Variants in PRKCI observed in about 807,000 individuals in gnomAD.
PRKCI encodes the protein protein kinase C iota.
A neutral mutation model predicts 84.0 loss-of-function variants in PRKCI; 43 were observed. That is an observed-to-expected ratio of 0.51 (90% CI 0.40 to 0.66). The LOEUF is 0.66. Among genes scored for constraint, PRKCI ranks in the 30% least tolerant of loss-of-function variants. The pLI, the probability that PRKCI is intolerant of heterozygous loss-of-function variation, is 0.00. For missense variants in PRKCI, 459 were observed against 745.6 expected, an observed-to-expected ratio of 0.62 and a Z score of 4.48; for synonymous variants, 216 against 234.4, an observed-to-expected ratio of 0.92 and a Z score of 0.72.
At chr3:170,279,132 A>G (rs1202833887) in intron 8 of PRKCI, among the ~76,000 whole-genome samples, 1 of 152,118 alleles carries the variant, frequency 6.6e-6, no homozygotes, top group African/African-American at 2.4e-5. Flanking sequence ...GGCTCAGGTG[A>G]TCCTCCCACC....
chr3:170,247,501 C>T (rs750926504), intron 2 of PRKCI, among the ~76,000 whole-genome samples: 7 of 151,556 alleles, frequency 4.6e-5, no homozygotes, highest in African/African-American at 9.7e-5. Flanking sequence ...GAGGCAGAGG[C>T]GGGCGGATCA....
intron 12 of PRKCI, among the ~76,000 whole-genome samples, chr3:170,285,661 G>T (rs947669390): frequency 1.3e-5 from 2 of 151,982 alleles, no homozygotes; most frequent in Non-Finnish European, 2.9e-5. Context: ...ATGCATTAAA[G>T]AATAAAATCT....
At chr3:170,246,161 T>C (rs536890410) in intron 2 of PRKCI, among the ~76,000 whole-genome samples, 1 of 151,904 alleles carries the variant, frequency 6.6e-6, no homozygotes, top group South Asian at 2.1e-4. Context: ...GTCTCGCTCT[T>C]GTCACCCAGG....
rs147056447 is a variant in PRKCI at position 170,252,502 on chromosome 3, C to A, written c.224-7467C>A. On this transcript the variant is annotated intron_variant, in intron 2 of 17. Transcript: ENST00000295797. ...TTGTGTTACAAATATTCCAATTATA[C>A]TCTTTTAGTTATTTTTAAATATACA... Among the ~76,000 whole-genome samples the A allele has an allele frequency of 1.9e-3, 283 of 152,138 alleles. 1 individual carries two copies. Among genetic ancestry groups the A allele is most frequent in the African/African-American group, 6.7e-3 (278 of 41,528 alleles).
chr3:170,246,297 C>T lies in PRKCI; in HGVS notation c.223+10946C>T, dbSNP rs565051890. Among the ~76,000 whole-genome samples, 445 of 152,052 alleles carry T rather than the reference C, an allele frequency of 2.9e-3. 2 individuals are homozygous for T. The highest frequency in any genetic ancestry group is 0.028 in the Middle Eastern group (8 of 290). On this transcript the variant is annotated intron_variant, in intron 2 of 17. Coordinates refer to ENST00000295797, the MANE Select transcript of PRKCI (RefSeq NM_002740.6). ...CCTCCTGAGTAGCTGGGATTACAGG[C>T]GCCTGCCACCATGCCCAGCTAATTT... is the stretch of plus-strand genomic sequence containing the variant.
At chr3:170,225,285 A>G (rs901149549) in intron 1 of PRKCI, among the ~76,000 whole-genome samples, 1 of 152,178 alleles carries the variant, frequency 6.6e-6, no homozygotes, top group Non-Finnish European at 1.5e-5. Flanking sequence ...CTGTCCTCTG[A>G]AATTAGATGT....
At chr3:170,301,873 C>G (rs1462020057) in intron 17 of PRKCI, among the ~76,000 whole-genome samples, 1 of 152,178 alleles carries the variant, frequency 6.6e-6, no homozygotes, top group Non-Finnish European at 1.5e-5. Context: ...CAGGTAACAT[C>G]TATCCTCTTG....
At chr3:170,267,879 T>A in intron 4 of PRKCI, 36 bp from the exon 5 acceptor site, 1 of 1,449,822 alleles carries the variant, frequency 6.9e-7, no homozygotes, top group Non-Finnish European at 9.4e-7. Context: ...TCAAACTTGC[T>A]CTTTTTTCTT....
chr3:170,287,908 CAAAAAAAAAAAAA>C (rs750366555), intron 12 of PRKCI, among the ~76,000 whole-genome samples: 3 of 50,550 alleles, frequency 5.9e-5, no homozygotes, highest in Non-Finnish European at 8.5e-5. Context: ...GACTCTGTCT[CAAAAAAAAAAAAA>C]AAAAAAAAAG....
At position 170,222,710 on chromosome 3, in the gene PRKCI, T is replaced by G; in HGVS notation, c.41T>G (p.Val14Gly). The change falls in exon 1 of 18, where the codon GTC becomes GGC. Residue 14 changes from valine to glycine, a missense_variant. Physicochemically the swap from Val to Gly is moderately radical, Grantham distance 109. Around this residue, in one of 2 missense-constraint regions of PRKCI, gnomAD observed 250 missense variants for 319.7 expected, o/e 0.78. Coordinates refer to ENST00000295797, the MANE Select transcript of PRKCI (RefSeq NM_002740.6). ...GACAGCAGCACCATGTCCCACACGG[T>G]CGCAGGCGGCGGCAGCGGGGACCAT... The part of the protein sequence containing the change: ...QRDSSTMSHT[V>G]AGGGSGDHSH... 2.5e-6 allele frequency: 4 copies of G among 1,609,360 alleles called. No homozygotes were observed. The highest frequency in any genetic ancestry group is 3.4e-6 in the Non-Finnish European group (4 of 1,178,664).
intron 2 of PRKCI, among the ~76,000 whole-genome samples, chr3:170,248,452 A>G (rs1194637491): frequency 6.6e-6 from 1 of 152,182 alleles, no homozygotes; most frequent in African/African-American, 2.4e-5. Flanking sequence ...CTCACTCTGG[A>G]TGTATTCCTG....
intron 2 of PRKCI, among the ~76,000 whole-genome samples, chr3:170,257,379 G>A (rs1577353725): frequency 6.6e-6 from 1 of 152,142 alleles, no homozygotes; most frequent in African/African-American, 2.4e-5. Flanking sequence ...CAGTTTTGGT[G>A]GAGTGTTTGG....
At chr3:170,285,711 C>T (rs1008850599) in intron 12 of PRKCI, among the ~76,000 whole-genome samples, 1 of 151,544 alleles carries the variant, frequency 6.6e-6, no homozygotes, top group Non-Finnish European at 1.5e-5. Flanking sequence ...AGAATTCAAC[C>T]GTACTTTTCA....
rs537187164 is a variant in PRKCI at position 170,277,181 on chromosome 3, G to A, written c.705+1894G>A. On this transcript the variant is annotated intron_variant, in intron 8 of 17. Coordinates refer to ENST00000295797, the MANE Select transcript of PRKCI (RefSeq NM_002740.6). ...CGAAAATCATTGGAACTGGGGAGGC[G>A]GAGATTACAATGAGCCAAGATCATG... is the stretch of plus-strand genomic sequence containing the variant. Among the ~76,000 whole-genome samples the A allele has an allele frequency of 1.8e-4, 27 of 151,754 alleles. No individual in the cohort carries two copies. In the South Asian group the frequency reaches 5.2e-3, roughly 29 times the overall value.
At chr3:170,245,738 A>G (rs932798348) in intron 2 of PRKCI, among the ~76,000 whole-genome samples, 2 of 152,106 alleles carry the variant, frequency 1.3e-5, no homozygotes, top group African/African-American at 4.8e-5. Flanking sequence ...ATGACAAAAT[A>G]TAGTGGGTTT....
chr3:170,264,164 A>ATT, intron 4 of PRKCI, among the ~76,000 whole-genome samples: 1 of 139,886 alleles, frequency 7.1e-6, no homozygotes, highest in African/African-American at 2.6e-5. Context: ...TAACAAACAC[A>ATT]TTTTTTTTTT....
At chr3:170,230,960 T>TG (rs1732774092) in intron 1 of PRKCI, among the ~76,000 whole-genome samples, 1 of 149,058 alleles carries the variant, frequency 6.7e-6, no homozygotes, top group South Asian at 2.1e-4. Context: ...ATTTTTTTTT[T>TG]TTGTTTTTTT....
intron 2 of PRKCI, among the ~76,000 whole-genome samples, chr3:170,257,941 G>C (rs1733629937): frequency 6.6e-6 from 1 of 152,028 alleles, no homozygotes; most frequent in African/African-American, 2.4e-5. Context: ...CGGGATTCCA[G>C]GTGTGAGCCA....
chr3:170,234,455 C>T (rs1407635110), intron 1 of PRKCI, among the ~76,000 whole-genome samples: 10 of 152,062 alleles, frequency 6.6e-5, no homozygotes, highest in Admixed American at 5.9e-4. Context: ...AATATGTTTA[C>T]CTTTCTGTTA....
Sources: gnomAD v4.1 joint callset for allele counts (sites outside exome capture counted in the v4.1 genomes callset) on GRCh38, gnomAD v4.1.1 for gene constraint, gnomAD v4.1.1 regional missense constraint, MANE v1.5 for transcripts, NCBI Gene and HGNC (gene_info 2026-07-23, HGNC 2026-07-21) for gene names.